CRYBG1: variants seen among roughly 807,000 people sequenced by gnomAD.
CRYBG1 encodes crystallin beta-gamma domain containing 1.
In CRYBG1, 139 loss-of-function variants were observed where a neutral mutation model predicts 189.2. That is an observed-to-expected ratio of 0.73 (90% CI 0.64 to 0.85). The LOEUF (loss-of-function observed/expected upper bound fraction) is 0.85, where lower values mean the gene tolerates loss of function less well. Among genes scored for constraint, CRYBG1 ranks in the 40% least tolerant of loss-of-function variants. The pLI, the probability that CRYBG1 is intolerant of heterozygous loss-of-function variation, is 0.00. For synonymous variants in CRYBG1, 1,023 were observed against 1,017.1 expected (o/e 1.01, Z -0.11); for missense variants, 2,611 against 2,675.8 (o/e 0.98, Z 0.53).
At chr6:106,443,240 G>A (rs9320164) in intron 1 of CRYBG1, among the ~76,000 whole-genome samples, 3,842 of 152,228 alleles carry the variant, frequency 0.025, 129 homozygotes, top group African/African-American at 0.076. Flanking sequence ...GCATCCAATT[G>A]ACAATGCAAA....
At chr6:106,540,115 T>C (rs783395) in intron 9 of CRYBG1, among the ~76,000 whole-genome samples, 141,797 of 152,162 alleles carry the variant, frequency 0.93, 66,136 homozygotes, top group South Asian at 0.97. Flanking sequence ...GTTGTCCTCC[T>C]GAGTATCTGC....
chr6:106,426,835 C>T (rs1161554755), intron 1 of CRYBG1, among the ~76,000 whole-genome samples: 2 of 152,176 alleles, frequency 1.3e-5, no homozygotes, highest in Non-Finnish European at 2.9e-5. Context: ...TAAGAGTTGC[C>T]TAAATGAATT....
At chr6:106,456,953 T>A (rs1277411058) in intron 2 of CRYBG1, among the ~76,000 whole-genome samples, 2 of 152,134 alleles carry the variant, frequency 1.3e-5, no homozygotes, top group Non-Finnish European at 2.9e-5. Flanking sequence ...CCACATTGTG[T>A]CTCAAGTCAC....
At chr6:106,526,559 A>G (rs1773741843) in intron 6 of CRYBG1, among the ~76,000 whole-genome samples, 1 of 152,172 alleles carries the variant, frequency 6.6e-6, no homozygotes, top group Non-Finnish European at 1.5e-5. Context: ...CCATTACCAT[A>G]TCTATAGTCT....
At chr6:106,394,179 G>A (rs1770561296) in intron 1 of CRYBG1, among the ~76,000 whole-genome samples, 1 of 152,086 alleles carries the variant, frequency 6.6e-6, no homozygotes, top group South Asian at 2.1e-4. Context: ...ATATTTCTTT[G>A]GAGTTTCTGA....
At chr6:106,402,798 A>G (rs1454976373) in intron 1 of CRYBG1, among the ~76,000 whole-genome samples, 2 of 152,130 alleles carry the variant, frequency 1.3e-5, no homozygotes, top group South Asian at 2.1e-4. Context: ...CCCTTGATCT[A>G]TGGCCTGAAG....
intron 2 of CRYBG1, among the ~76,000 whole-genome samples, chr6:106,478,279 A>T (rs1373491880): frequency 6.6e-6 from 1 of 152,224 alleles, no homozygotes; most frequent in African/African-American, 2.4e-5. Context: ...TGAAGATTAG[A>T]TCTATCTTAT....
intron 2 of CRYBG1, among the ~76,000 whole-genome samples, chr6:106,474,802 G>C (rs1772302236): frequency 1.3e-5 from 2 of 152,140 alleles, no homozygotes; most frequent in African/African-American, 4.8e-5. Context: ...AGGCAAACCT[G>C]AGTTTCAGTT....
At chr6:106,365,419 T>A (rs955238890) in intron 1 of CRYBG1, among the ~76,000 whole-genome samples, 7 of 148,422 alleles carry the variant, frequency 4.7e-5, no homozygotes, top group Non-Finnish European at 1.0e-4. Context: ...AGAGTGAGAC[T>A]CTGTCTCAAA....
chr6:106,542,315 C>T (rs1774152359), intron 10 of CRYBG1, among the ~76,000 whole-genome samples: 1 of 137,796 alleles, frequency 7.3e-6, no homozygotes, highest in South Asian at 2.2e-4. Context: ...CCAGGCCTTG[C>T]TCTGTCACCC....
chr6:106,506,665 C>G (rs563270452), intron 2 of CRYBG1, among the ~76,000 whole-genome samples: 1 of 152,048 alleles, frequency 6.6e-6, no homozygotes, highest in South Asian at 2.1e-4. Flanking sequence ...ATTGGCCAGG[C>G]TGGTCTCGAA....
Position 106,447,547 on chromosome 6 carries a change from A to AATATATATAT in CRYBG1, c.174-4130_174-4121dup, listed in dbSNP as rs59943398. On this transcript the variant is annotated intron_variant, in intron 1 of 21. Coordinates refer to ENST00000633556, the MANE Select transcript of CRYBG1 (RefSeq NM_001371242.2). Reference sequence around the variant, plus strand: ...ATGCTTGTACCTCATGTACCTCATAAATATATATATATATATATATATATA... The same window carrying AATATATATAT: ...ATGCTTGTACCTCATGTACCTCATAAATATATATATATATATATATATATATATATATATA... 6.2e-4 allele frequency among the ~76,000 whole-genome samples: 88 copies of AATATATATAT among 141,064 alleles called. 3 individuals carry two copies. The East Asian group carries it at 0.011, about 17-fold the overall frequency. 92.5% of individuals were successfully genotyped at this position (141,064 alleles called of 152,430 possible).
intron 1 of CRYBG1, among the ~76,000 whole-genome samples, chr6:106,439,955 T>C (rs1455913643): frequency 6.6e-6 from 1 of 152,246 alleles, no homozygotes; most frequent in Admixed American, 6.5e-5. Flanking sequence ...TTTCATAATG[T>C]TGAACCTCGA....
intron 3 of CRYBG1, among the ~76,000 whole-genome samples, chr6:106,516,703 G>A (rs1334077840): frequency 6.6e-6 from 1 of 152,186 alleles, no homozygotes. Flanking sequence ...AACCAGAGGA[G>A]CTCATTCAGG....
chr6:106,437,611 T>C (rs1006945493), intron 1 of CRYBG1, among the ~76,000 whole-genome samples: 3 of 152,118 alleles, frequency 2.0e-5, no homozygotes, highest in Non-Finnish European at 2.9e-5. Flanking sequence ...TGATTTTTGT[T>C]TGTTTCGTAG....
At chr6:106,439,694 C>T (rs1468905182) in intron 1 of CRYBG1, among the ~76,000 whole-genome samples, 8 of 151,786 alleles carry the variant, frequency 5.3e-5, no homozygotes, top group Non-Finnish European at 1.0e-4. Flanking sequence ...GAAGCCTCAA[C>T]CAGTGGCACA....
chr6:106,516,061 G>C (rs1006762368), intron 3 of CRYBG1, among the ~76,000 whole-genome samples: 1 of 151,962 alleles, frequency 6.6e-6, no homozygotes, highest in African/African-American at 2.4e-5. Context: ...AAAGTGCTAG[G>C]ATTACAGGCA....
rs572987507 is a variant in CRYBG1, at chr6:106,410,045, C to T, written c.174-41649C>T. On this transcript the variant is annotated intron_variant, in intron 1 of 21. Transcript: ENST00000633556. ...AATGGGTTCTAATTAAACTGAAGAA[C>T]TGCTGCACAGCAAAAGATACTACCA... Among the ~76,000 whole-genome samples, 4 of 152,314 alleles carry T rather than the reference C, an allele frequency of 2.6e-5. No homozygotes were observed. The East Asian group carries it at 7.7e-4, about 29-fold the overall frequency.
chr6:106,530,063 G>A (rs541755913), intron 7 of CRYBG1, 113 bp from the exon 8 acceptor site: 1 of 1,020,300 alleles, frequency 9.8e-7, no homozygotes, highest in South Asian at 2.3e-5. Flanking sequence ...TGTGAAATGT[G>A]TTTGTAAATT....
Sources: gnomAD v4.1 joint callset for allele counts (sites outside exome capture counted in the v4.1 genomes callset) on GRCh38, gnomAD v4.1.1 for gene constraint, MANE v1.5 for transcripts, NCBI Gene and HGNC (gene_info 2026-07-23, HGNC 2026-07-21) for gene names.